POTEG: variants seen among roughly 807,000 people sequenced by gnomAD.
POTEG encodes POTE ankyrin domain family member G, also known as ANKRD26-like family C member 2.
Under a neutral mutation model 49.6 loss-of-function variants are expected in POTEG, and 2 were observed. The observed-to-expected ratio is 0.04, with a 90% CI of 0.02 to 0.13. POTEG has a LOEUF of 0.13. Ranked by LOEUF, POTEG falls within the 10% of genes least tolerant of loss-of-function variation. The pLI, the probability that POTEG is intolerant of heterozygous loss-of-function variation, is 1.00. For missense variants in POTEG, 26 were observed against 545.2 expected, an observed-to-expected ratio of 0.05 and a Z score of 9.48; for synonymous variants, 7 against 186.6, an observed-to-expected ratio of 0.04 and a Z score of 7.84.
chr14:19,415,829 A>ATTTTTTTTT (rs58833974), intron 7 of POTEG, among the ~76,000 whole-genome samples: 17 of 96,694 alleles, frequency 1.8e-4, no homozygotes, highest in African/African-American at 5.5e-4. Context: ...ATCTATTAAA[A>ATTTTTTTTT]TTTTTTTTTT....
chr14:19,410,073 CTT>C (rs1883401493), intron 9 of POTEG, among the ~76,000 whole-genome samples: 1 of 131,452 alleles, frequency 7.6e-6, no homozygotes, highest in Admixed American at 7.9e-5. Flanking sequence ...CACAATTTGA[CTT>C]ATGTTTTAAA....
intron 8 of POTEG, 137 bp downstream of exon 8, chr14:19,414,425 G>A (rs1883466016): frequency 1.4e-6 from 1 of 700,544 alleles, no homozygotes; most frequent in African/African-American, 1.8e-5. Flanking sequence ...AGAATTCTGA[G>A]TTAAGTATTA....
intron 7 of POTEG, among the ~76,000 whole-genome samples, chr14:19,415,202 G>A (rs1207317620): frequency 7.0e-6 from 1 of 143,322 alleles, no homozygotes; most frequent in African/African-American, 2.5e-5. Flanking sequence ...ATCTGCTTAA[G>A]TCCAGTTCTA....
At chr14:19,414,376 A>C (rs1883463935) in intron 8 of POTEG, among the ~76,000 whole-genome samples, 186 bp downstream of exon 8, 1 of 146,360 alleles carries the variant, frequency 6.8e-6, no homozygotes, top group African/African-American at 2.5e-5. Flanking sequence ...TAATGAAAGA[A>C]TATCTCTAGG....
At chr14:19,425,421 A>C (rs1192159977) in intron 4 of POTEG, among the ~76,000 whole-genome samples, 185 bp downstream of exon 4, 26 of 56,192 alleles carry the variant, frequency 4.6e-4, no homozygotes, top group African/African-American at 1.2e-3. Context: ...CAGTCAATAT[A>C]ATAAAAGATG....
intron 7 of POTEG, among the ~76,000 whole-genome samples, chr14:19,414,965 G>A (rs1270950129): frequency 1.4e-5 from 2 of 139,964 alleles, no homozygotes; most frequent in African/African-American, 5.1e-5. Context: ...CAGATCATTT[G>A]TAGTGTTGCA....
At chr14:19,432,514 G>A in intron 1 of POTEG, among the ~76,000 whole-genome samples, 1 of 101,886 alleles carries the variant, frequency 9.8e-6, no homozygotes. Flanking sequence ...ATAGGCACTT[G>A]TGTTTTCTTC....
intron 3 of POTEG, chr14:19,427,082 CT>C: frequency 3.6e-6 from 1 of 280,882 alleles, no homozygotes; most frequent in South Asian, 3.1e-5. Flanking sequence ...CTAGAGATAC[CT>C]TAAGTTTCTG....
At chr14:19,431,272 G>A (rs150790316) in intron 1 of POTEG, among the ~76,000 whole-genome samples, 4,533 of 125,428 alleles carry the variant, frequency 0.036, no homozygotes, top group East Asian at 0.1. Flanking sequence ...TTTGCATGTC[G>A]ACATATCTCT....
rs373725565 is a variant in POTEG at position 19,413,345 on chromosome 14, C to CAG, written c.1409+7_1409+8dup. 1.4e-3 allele frequency: 1,589 copies of CAG among 1,109,858 alleles called. 37 individuals carry two copies. The African/African-American group carries it at 0.038, about 27-fold the overall frequency. The allele number at this position is 1,109,858 out of a possible 1,614,324, so 68.8% of individuals were successfully genotyped here. On this transcript the variant is annotated intron_variant, in intron 9 of 10. Coordinates refer to ENST00000547848, the MANE Select transcript of POTEG (RefSeq NM_001005356.3). Reference sequence around the variant, plus strand: ...AGTTATCTCCTGTTCAATGTTGCCACAGACTTACCTGTGATACTGTTCATT... The same window carrying CAG: ...AGTTATCTCCTGTTCAATGTTGCCACAGAGACTTACCTGTGATACTGTTCATT...
chr14:19,415,569 T>C (rs1229228635), intron 7 of POTEG, among the ~76,000 whole-genome samples: 1 of 149,662 alleles, frequency 6.7e-6, no homozygotes, highest in African/African-American at 2.4e-5. Context: ...CAATAATTGA[T>C]GTTACATTCT....
At position 19,420,005 on chromosome 14, in the gene POTEG, C is replaced by G. The variant is rs1424760563; in HGVS notation, c.1126+1619G>C. On this transcript the variant is annotated intron_variant, in intron 6 of 10. Transcript: ENST00000547848. Reference sequence around the variant, plus strand: ...ACCTCATTCCCAACCTCTCGTATCTCACACTTTTGGTATTAGCAAAAGTGA... The same window carrying G: ...ACCTCATTCCCAACCTCTCGTATCTGACACTTTTGGTATTAGCAAAAGTGA... Among the ~76,000 whole-genome samples, 3 of 140,766 alleles carry G rather than the reference C, an allele frequency of 2.1e-5. No homozygotes were observed. In the East Asian group the frequency reaches 6.2e-4, roughly 29 times the overall value. The allele number at this position is 140,766 out of a possible 152,430, so 92.3% of individuals were successfully genotyped here. A position where few individuals can be genotyped will look rare whatever the true frequency, so the allele number is the denominator to read the frequency against.
At position 19,416,236 on chromosome 14, in the gene POTEG, A is replaced by G. The variant is rs572284145; in HGVS notation, c.1197+52T>C. ...ATCTAATATTATTAAAGCAAAAAAA[A>G]AAAAACAAAAAAAACGTTAAACCAA... On this transcript the variant is annotated intron_variant, in intron 7 of 10. Transcript: ENST00000547848. 1.7e-4 allele frequency: 277 copies of G among 1,583,844 alleles called. 6 individuals are homozygous for G. The East Asian group carries it at 4.6e-3, about 27-fold the overall frequency.
chr14:19,416,055 A>G (rs1883552926), intron 7 of POTEG, among the ~76,000 whole-genome samples: 1 of 147,366 alleles, frequency 6.8e-6, no homozygotes. Flanking sequence ...CATCTTAGCC[A>G]GGATGGTCTC....
chr14:19,419,904 A>G (rs1883686133), intron 6 of POTEG, among the ~76,000 whole-genome samples: 1 of 141,384 alleles, frequency 7.1e-6, no homozygotes, highest in African/African-American at 2.8e-5. Context: ...TAAACTTCCC[A>G]TGGCCCATGG....
chr14:19,415,102 C>T lies in POTEG; in HGVS notation c.1198-496G>A, dbSNP rs530857886. On this transcript the variant is annotated intron_variant, in intron 7 of 10. Transcript: ENST00000547848. ...AGGCACACTTTAAATTATTAGGAGC[C>T]GAAATCAACACCAAACAGAAAGAGA... is the stretch of plus-strand genomic sequence containing the variant. 4.8e-4 allele frequency among the ~76,000 whole-genome samples: 69 copies of T among 145,240 alleles called. 4 individuals carry two copies. The Middle Eastern group carries it at 0.021, about 44-fold the overall frequency.
Position 19,406,829 on chromosome 14 carries a change from AAAACATGCG to A in POTEG, c.1410-2103_1410-2095del, listed in dbSNP as rs1883310230. On this transcript the variant is annotated intron_variant, in intron 9 of 10. Transcript: ENST00000547848. ...TGTACAAACGGTAAACAAGCATATA[AAAACATGCG>A]AAATATCTCGAATCATCAGGAAAAT... Among the ~76,000 whole-genome samples, 3 of 151,196 alleles carry A rather than the reference AAAACATGCG, an allele frequency of 2.0e-5. No homozygotes were observed. The South Asian group carries it at 6.3e-4, about 32-fold the overall frequency.
intron 7 of POTEG, among the ~76,000 whole-genome samples, chr14:19,415,101 C>A (rs1329010279): frequency 6.9e-6 from 1 of 145,254 alleles, no homozygotes; most frequent in African/African-American, 2.5e-5. Flanking sequence ...TTATTAGGAG[C>A]CGAAATCAAC....
chr14:19,416,569 CAT>C (rs763225806), intron 6 of POTEG, among the ~76,000 whole-genome samples: 421 of 76,718 alleles, frequency 5.5e-3, no homozygotes, highest in South Asian at 0.016. Flanking sequence ...GACATACACA[CAT>C]GTTAAAAATT....
Sources: gnomAD v4.1 joint callset for allele counts (sites outside exome capture counted in the v4.1 genomes callset) on GRCh38, gnomAD v4.1.1 for gene constraint, MANE v1.5 for transcripts, NCBI Gene and HGNC (gene_info 2026-07-23, HGNC 2026-07-21) for gene names.